THBS4: variants seen among roughly 807,000 people sequenced by gnomAD.
THBS4 encodes thrombospondin-4.
THBS4 carries 90 observed loss-of-function variants against 115.7 expected under a neutral mutation model. The ratio of observed to expected loss-of-function variants is 0.78; its 90% CI spans 0.66 to 0.93. THBS4 has a LOEUF of 0.93. Ranked by LOEUF, THBS4 falls within the 40% of genes least tolerant of loss-of-function variation. THBS4 has a pLI of 0.00. For missense variants in THBS4, 1,087 were observed against 1,232.7 expected (o/e 0.88, Z 1.77); for synonymous variants, 460 against 479.3 (o/e 0.96, Z 0.53).
chr5:80,082,193 C>T (rs1743543893), intron 20 of THBS4: 1 of 497,420 alleles, frequency 2.0e-6, no homozygotes, highest in East Asian at 3.3e-5. Flanking sequence ...TCCACACACA[C>T]ACGGACACAC....
chr5:80,080,579 CTTTTTTTTTTTTT>C (rs67048630), intron 20 of THBS4, among the ~76,000 whole-genome samples: 1 of 50,496 alleles, frequency 2.0e-5, no homozygotes, highest in Admixed American at 3.1e-4. Flanking sequence ...GCGCTTGTAT[CTTTTTTTTTTTTT>C]TTTTTTTTTT....
At chr5:80,023,874 A>C (rs562770648) in intron 2 of THBS4, among the ~76,000 whole-genome samples, 2 of 152,232 alleles carry the variant, frequency 1.3e-5, no homozygotes, top group South Asian at 4.2e-4. Flanking sequence ...AACCCATCCC[A>C]TTCTAATCCA....
intron 2 of THBS4, among the ~76,000 whole-genome samples, chr5:80,027,742 T>A (rs971294493): frequency 6.7e-6 from 1 of 149,386 alleles, no homozygotes; most frequent in East Asian, 2.0e-4. Context: ...CAAAAAAAAA[T>A]ACAAAAATTG....
Position 80,076,928 on chromosome 5 carries a change from A to C in THBS4, c.1966A>C (p.Lys656Gln). Reference protein sequence around the residue: ...VINSAQLDTDKDGIGDECDDD... With the variant: ...VINSAQLDTDQDGIGDECDDD... ...TAACAGTGCCCAGCTGGACACCGATAAGGATGGAATTGGTGACGAGTGTGA... is the reference window on the plus strand; with the variant it reads ...TAACAGTGCCCAGCTGGACACCGATCAGGATGGAATTGGTGACGAGTGTGA... Residue 656 changes from lysine (K) to glutamine (Q), a missense_variant, in exon 16 of 22, where the codon AAG becomes CAG. Lys to Gln is a moderately conservative substitution (Grantham distance 53). Around this residue, in one of 3 missense-constraint regions of THBS4, gnomAD observed 979 missense variants for 1,103.7 expected, o/e 0.89. Transcript: ENST00000350881. 2 of 1,613,730 alleles carry C rather than the reference A, an allele frequency of 1.2e-6. No individual in the cohort carries two copies. The highest frequency in any genetic ancestry group is 1.7e-6 in the Non-Finnish European group (2 of 1,179,824).
chr5:80,029,317 T>G (rs943634566), intron 2 of THBS4, among the ~76,000 whole-genome samples: 7 of 152,206 alleles, frequency 4.6e-5, no homozygotes, highest in Non-Finnish European at 1.0e-4. Flanking sequence ...CATTAGACAT[T>G]GCAGGAACCA....
intron 1 of THBS4, among the ~76,000 whole-genome samples, chr5:80,037,993 T>C (rs1218723770): frequency 6.6e-6 from 1 of 152,200 alleles, no homozygotes; most frequent in East Asian, 1.9e-4. Context: ...GGACCCCTGG[T>C]ACATGTGAAA....
At chr5:80,082,195 C>T (rs1043726845) in intron 20 of THBS4, 3 of 501,234 alleles carry the variant, frequency 6.0e-6, no homozygotes, top group East Asian at 3.3e-5. Flanking sequence ...CACACACACA[C>T]GGACACACAC....
At chr5:80,065,311 T>G in intron 8 of THBS4, 98 bp from the exon 9 acceptor site, 1 of 1,094,118 alleles carries the variant, frequency 9.1e-7, no homozygotes, top group Non-Finnish European at 1.4e-6. Flanking sequence ...ATTCCGCATC[T>G]TCACTTCACA....
Position 80,072,362 on chromosome 5 carries a change from G to T in THBS4, c.1805G>T (p.Cys602Phe). ...DKDGDGVGDA[C>F]DSCPDVSNPN... ...GATGGTGATGGTGTGGGGGATGCCT[G>T]TGACAGTTGTCCTGATGTCAGCAAC... The change falls in exon 14 of 22, where the codon TGT becomes TTT. Residue 602 changes from cysteine (C) to phenylalanine (F), a missense_variant. By Grantham distance (205) the Cys-to-Phe change is radical. Transcript: ENST00000350881. The T allele has an allele frequency of 6.2e-7, 1 of 1,614,216 alleles. No individual in the cohort carries two copies. Among genetic ancestry groups the T allele is most frequent in the African/African-American group, 1.3e-5 (1 of 75,064 alleles).
At chr5:80,067,759 TTGTC>T (rs1162048947) in intron 9 of THBS4, 8 of 513,624 alleles carry the variant, frequency 1.6e-5, no homozygotes, top group Admixed American at 1.0e-4. Flanking sequence ...TATTCCTTCT[TTGTC>T]TGAGTGGCCG....
chr5:80,051,861 T>C (rs1195686785), intron 2 of THBS4, among the ~76,000 whole-genome samples: 1 of 152,240 alleles, frequency 6.6e-6, no homozygotes, highest in African/African-American at 2.4e-5. Flanking sequence ...ACATACCCTG[T>C]GAAGCCCTGT....
chr5:79,995,566 A>C (rs1183275968), intron 1 of THBS4, among the ~76,000 whole-genome samples: 1 of 152,172 alleles, frequency 6.6e-6, no homozygotes, highest in Non-Finnish European at 1.5e-5. Context: ...TATGAGGACA[A>C]AATTGGCTAT....
At chr5:80,039,834 TC>T (rs1406729940) in intron 1 of THBS4, among the ~76,000 whole-genome samples, 1 of 152,220 alleles carries the variant, frequency 6.6e-6, no homozygotes, top group African/African-American at 2.4e-5. Context: ...AATTCAGTCC[TC>T]TCTCTTGAGG....
At chr5:80,021,068 G>A (rs1195975143) in intron 2 of THBS4, among the ~76,000 whole-genome samples, 1 of 152,038 alleles carries the variant, frequency 6.6e-6, no homozygotes, top group East Asian at 1.9e-4. Context: ...AATGTTTTGG[G>A]CCACAGAAGG....
chr5:80,072,631 C>T, intron 14 of THBS4: 1 of 512,372 alleles, frequency 2.0e-6, no homozygotes, highest in South Asian at 3.0e-5. Flanking sequence ...AGGTTAGTAA[C>T]ACGAACTTCA....
intron 2 of THBS4, among the ~76,000 whole-genome samples, chr5:80,043,551 CT>C (rs1234547755): frequency 2.0e-5 from 3 of 152,266 alleles, no homozygotes; most frequent in Admixed American, 1.3e-4. Flanking sequence ...CTTAAAACAC[CT>C]GAGTAGGAAA....
chr5:79,992,034 G>T (rs1028793084), intron 1 of THBS4, among the ~76,000 whole-genome samples: 1 of 152,200 alleles, frequency 6.6e-6, no homozygotes, highest in Non-Finnish European at 1.5e-5. Flanking sequence ...ATGCTCTTCC[G>T]TCACTGTCTT....
chr5:80,082,233 TAGTA>T (rs1364556248), intron 20 of THBS4, 169 bp from the exon 21 acceptor site: 12 of 763,746 alleles, frequency 1.6e-5, no homozygotes, highest in East Asian at 8.1e-5. Flanking sequence ...ACTTCCAGTC[TAGTA>T]AGTAAGTGGC....
At position 80,070,403 on chromosome 5, in the gene THBS4, G is replaced by A; in HGVS notation, c.1445G>A (p.Cys482Tyr). 1 of 1,614,108 alleles carries A rather than the reference G, an allele frequency of 6.2e-7. No individual in the cohort carries two copies. The highest frequency in any genetic ancestry group is 8.5e-7 in the Non-Finnish European group (1 of 1,179,968). The change falls in exon 11 of 22, where the codon TGT (cysteine) becomes TAT (tyrosine). Residue 482 changes from cysteine (C) to tyrosine (Y), a missense_variant. By Grantham distance (194) the Cys-to-Tyr change is radical. This residue lies in a region of THBS4 where 979 missense variants were observed against 1,103.7 expected (regional missense o/e 0.89). Coordinates refer to ENST00000350881, the MANE Select transcript of THBS4 (RefSeq NM_003248.6). ...DEELPCSARNCKKDNCKYVPN... is the reference protein window; with the variant it reads ...DEELPCSARNYKKDNCKYVPN... ...GAACTGCCATGCTCTGCCAGGAACT[G>A]TAAAAAGGTAAGGGGTGTGGGGTGG...
Sources: gnomAD v4.1 joint callset for allele counts (sites outside exome capture counted in the v4.1 genomes callset) on GRCh38, gnomAD v4.1.1 for gene constraint, gnomAD v4.1.1 regional missense constraint, MANE v1.5 for transcripts, NCBI Gene and HGNC (gene_info 2026-07-23, HGNC 2026-07-21) for gene names.